Variants in TJP2 observed in about 807,000 individuals in gnomAD.
TJP2 encodes Friedreich ataxia region gene X104 (tight junction protein ZO-2).
A neutral mutation model predicts 133.1 loss-of-function variants in TJP2; 91 were observed. That is an observed-to-expected ratio of 0.68 (90% CI 0.58 to 0.81). The LOEUF is 0.81. Among genes scored for constraint, TJP2 ranks in the 40% least tolerant of loss-of-function variants. The pLI, the probability that TJP2 is intolerant of heterozygous loss-of-function variation, is 0.00. For synonymous variants in TJP2, 592 were observed against 583.4 expected (o/e 1.01, Z -0.21); for missense variants, 1,541 against 1,565.6 (o/e 0.98, Z 0.26).
intron 5 of TJP2, among the ~76,000 whole-genome samples, chr9:69,223,920 T>A (rs1446924868): frequency 6.6e-6 from 1 of 152,246 alleles, no homozygotes; most frequent in East Asian, 1.9e-4. Flanking sequence ...AAAGTTACTT[T>A]GTTTTGTAAT....
intron 1 of TJP2, among the ~76,000 whole-genome samples, chr9:69,202,721 C>T (rs1827084792): frequency 1.3e-5 from 2 of 151,810 alleles, no homozygotes; most frequent in East Asian, 3.9e-4. Flanking sequence ...AGGAAGATGA[C>T]GGTTTGGTCC....
At position 69,142,649 on chromosome 9, in the gene TJP2, G is replaced by A. The variant is rs149988432; in HGVS notation, c.-130-9002G>A. ...TCCCTTTTTATACTTCCAAAGCACAGTAACTGTTAAAACACCCAGTGAAGA... is the reference window on the plus strand; with the variant it reads ...TCCCTTTTTATACTTCCAAAGCACAATAACTGTTAAAACACCCAGTGAAGA... On this transcript the variant is annotated intron_variant, in intron 1 of 5. Coordinates refer to the TJP2 transcript ENST00000423935. Among the ~76,000 whole-genome samples, 501 of 152,206 alleles carry A rather than the reference G, an allele frequency of 3.3e-3. 4 individuals are homozygous for A. Among genetic ancestry groups the A allele is most frequent in the African/African-American group, 0.011 (463 of 41,534 alleles).
At chr9:69,175,096 A>G (rs758052945) in intron 1 of TJP2, among the ~76,000 whole-genome samples, 6 of 152,176 alleles carry the variant, frequency 3.9e-5, no homozygotes, top group African/African-American at 1.4e-4. Context: ...AGGGATTTCT[A>G]CCACAGGGTT....
At chr9:69,165,201 T>A (rs1824285097) in intron 2 of TJP2, among the ~76,000 whole-genome samples, 1 of 152,236 alleles carries the variant, frequency 6.6e-6, no homozygotes, top group Non-Finnish European at 1.5e-5. Context: ...CAATCACGGC[T>A]ACTGCAGCCT....
intron 1 of TJP2, among the ~76,000 whole-genome samples, chr9:69,133,362 C>T (rs2083429914): frequency 6.6e-6 from 1 of 152,226 alleles, no homozygotes; most frequent in East Asian, 1.9e-4. Flanking sequence ...AATGGCTTAG[C>T]GACGCCTAGC....
At chr9:69,154,560 C>A (rs1031450329) in intron 2 of TJP2, among the ~76,000 whole-genome samples, 1 of 151,224 alleles carries the variant, frequency 6.6e-6, no homozygotes, top group Non-Finnish European at 1.5e-5. Flanking sequence ...GAGGCTGAGG[C>A]GGGAGGATCG....
At chr9:69,196,706 C>T (rs1298157346) in intron 1 of TJP2, among the ~76,000 whole-genome samples, 1 of 152,056 alleles carries the variant, frequency 6.6e-6, no homozygotes, top group Non-Finnish European at 1.5e-5. Flanking sequence ...GTGTGGCCAT[C>T]ACCACAATTC....
At chr9:69,220,824 ACTGCCTT>A in intron 4 of TJP2, 56 bp from the exon 5 acceptor site, 1 of 1,533,752 alleles carries the variant, frequency 6.5e-7, no homozygotes, top group Non-Finnish European at 9.0e-7. Context: ...GCTCTTAACC[ACTGCCTT>A]CTCCACATTC....
intron 1 of TJP2, among the ~76,000 whole-genome samples, chr9:69,204,000 C>G (rs533493451): frequency 1.3e-5 from 2 of 152,324 alleles, no homozygotes; most frequent in East Asian, 3.9e-4. Context: ...TAGGGAAGGA[C>G]ACACATTTCC....
chr9:69,205,253 C>T, intron 1 of TJP2: 3 of 1,537,266 alleles, frequency 2.0e-6, no homozygotes, highest in Non-Finnish European at 2.6e-6. Flanking sequence ...TCTGCAAGCT[C>T]TCCCCTTGTT....
chr9:69,220,444 T>C (rs953118383), intron 4 of TJP2, among the ~76,000 whole-genome samples: 2 of 152,244 alleles, frequency 1.3e-5, no homozygotes, highest in African/African-American at 4.8e-5. Flanking sequence ...CTGTAAGCTG[T>C]AGTCACCCTA....
rs1313240521 is a variant in TJP2 at position 69,226,241 on chromosome 9, A to G, written c.1210+66A>G. 3.2e-6 allele frequency: 5 copies of G among 1,565,554 alleles called. No homozygotes were observed. The African/African-American group carries it at 4.0e-5, about 13-fold the overall frequency. On this transcript the variant is annotated intron_variant, in intron 7 of 22. Coordinates refer to ENST00000377245, the MANE Select transcript of TJP2 (RefSeq NM_004817.4). ...AAGGCTGTTGCTTCCCCATTCTTCTATTTAGTGTAGCTATCCAGCTGGAAG... is the reference window on the plus strand; with the variant it reads ...AAGGCTGTTGCTTCCCCATTCTTCTGTTTAGTGTAGCTATCCAGCTGGAAG...
intron 5 of TJP2, among the ~76,000 whole-genome samples, chr9:69,223,069 GAA>G (rs57114714): frequency 0.016 from 1,799 of 113,798 alleles, 27 homozygotes; most frequent in African/African-American, 0.047. Context: ...ACTCTGTCTT[GAA>G]AAAAAAAAAA....
chr9:69,137,506 A>T lies in TJP2; in HGVS notation c.-130-14145A>T, dbSNP rs531143144. Among the ~76,000 whole-genome samples the T allele has an allele frequency of 2.0e-5, 3 of 150,798 alleles. No individual in the cohort carries two copies. In the South Asian group the frequency reaches 6.3e-4, roughly 32 times the overall value. On this transcript the variant is annotated intron_variant, in intron 1 of 5. Transcript: ENST00000423935. ...GCCTCCTGAGTAGCTGGAACCACAG[A>T]TGCGCACCACCAGGCCCGGCCAATT...
chr9:69,230,137 G>T lies in TJP2; in HGVS notation c.1576G>T (p.Ala526Ser), dbSNP rs746223152. Residue 526 changes from alanine (A) to serine (S), a missense_variant, in exon 11 of 23, where the codon GCT (alanine) becomes TCT (serine). Ala to Ser is a moderately conservative substitution (Grantham distance 99). Coordinates refer to ENST00000377245, the MANE Select transcript of TJP2 (RefSeq NM_004817.4). ...GGGAGACAGCGTGGGCCTCCGGTTG[G>T]CTGGTGGCAATGATGTCGGGATATT... ...KKGDSVGLRL[A>S]GGNDVGIFVA... 4.0e-5 allele frequency: 64 copies of T among 1,614,064 alleles called. No homozygotes were observed. Among genetic ancestry groups the T allele is most frequent in the Middle Eastern group, 3.3e-4 (2 of 6,080 alleles).
At chr9:69,200,070 G>T (rs1423711002) in intron 1 of TJP2, among the ~76,000 whole-genome samples, 2 of 152,190 alleles carry the variant, frequency 1.3e-5, no homozygotes, top group African/African-American at 4.8e-5. Flanking sequence ...AGGCTCCCAA[G>T]CCATAGATTA....
chr9:69,205,886 G>T (rs1827361522), intron 1 of TJP2, among the ~76,000 whole-genome samples: 1 of 152,040 alleles, frequency 6.6e-6, no homozygotes, highest in Non-Finnish European at 1.5e-5. Context: ...TATCTGTTTT[G>T]GGGTTGGCTT....
chr9:69,230,344 G>A, intron 11 of TJP2, 112 bp downstream of exon 11: 1 of 1,402,618 alleles, frequency 7.1e-7, no homozygotes, highest in Non-Finnish European at 1.0e-6. Flanking sequence ...TAGAGCAGCT[G>A]CAAGTTTGTT....
intron 20 of TJP2, 141 bp downstream of exon 20, chr9:69,249,626 TC>T: frequency 6.6e-7 from 1 of 1,521,676 alleles, no homozygotes; most frequent in African/African-American, 1.4e-5. Context: ...TTAGAGCCTA[TC>T]TTTTGGCCTG....
Sources: allele counts gnomAD v4.1 joint callset (sites outside exome capture counted in the v4.1 genomes callset), GRCh38; gene constraint gnomAD v4.1.1; transcripts MANE v1.5; gene names NCBI Gene and HGNC (gene_info 2026-07-23, HGNC 2026-07-21).